Variants in INTS9 observed in about 807,000 individuals in gnomAD.
INTS9 encodes the protein integrator complex subunit 9, also known as protein related to CPSF subunits of 74 kDa.
In INTS9, 55 loss-of-function variants were observed where a neutral mutation model predicts 79.7. The ratio of observed to expected loss-of-function variants is 0.69; its 90% CI spans 0.56 to 0.86. The LOEUF (loss-of-function observed/expected upper bound fraction) is 0.86, where lower values mean the gene tolerates loss of function less well. INTS9 is among the 40% of genes least tolerant of loss of function. The pLI is 0.00. For synonymous variants in INTS9, 319 were observed against 325.2 expected (o/e 0.98, Z 0.20); for missense variants, 721 against 831.5 (o/e 0.87, Z 1.64).
At chr8:28,771,788 G>T (rs1366303913) in intron 14 of INTS9, among the ~76,000 whole-genome samples, 2 of 152,246 alleles carry the variant, frequency 1.3e-5, no homozygotes, top group Admixed American at 1.3e-4. Context: ...GCACAAGGCT[G>T]GGGTGGGAGC....
intron 2 of INTS9, among the ~76,000 whole-genome samples, chr8:28,858,413 T>C (rs540910342): frequency 1.3e-5 from 2 of 152,216 alleles, no homozygotes; most frequent in East Asian, 3.9e-4. Flanking sequence ...AAAAAGACAA[T>C]AATATCAGGC....
chr8:28,812,905 T>A (rs1211987121), intron 7 of INTS9, among the ~76,000 whole-genome samples: 1 of 152,180 alleles, frequency 6.6e-6, no homozygotes, highest in African/African-American at 2.4e-5. Context: ...AGAAAGATGA[T>A]GGAGATCAAC....
intron 6 of INTS9, among the ~76,000 whole-genome samples, chr8:28,814,831 G>A (rs867215465): frequency 1.3e-5 from 2 of 152,058 alleles, no homozygotes; most frequent in Admixed American, 6.5e-5. Context: ...TGAAGAATCC[G>A]ATCAGCCTCA....
At chr8:28,809,570 C>T (rs1804992647) in intron 8 of INTS9, among the ~76,000 whole-genome samples, 1 of 151,990 alleles carries the variant, frequency 6.6e-6, no homozygotes, top group Non-Finnish European at 1.5e-5. Flanking sequence ...CATTATTTTC[C>T]CTTTAAATTT....
intron 11 of INTS9, among the ~76,000 whole-genome samples, chr8:28,785,650 A>G (rs942000365): frequency 6.6e-6 from 1 of 152,196 alleles, no homozygotes; most frequent in Admixed American, 6.5e-5. Flanking sequence ...TTAGTGGAGA[A>G]TGGTATCTAG....
intron 1 of INTS9, among the ~76,000 whole-genome samples, chr8:28,875,662 CT>C (rs1585520745): frequency 6.6e-6 from 1 of 152,166 alleles, no homozygotes; most frequent in Non-Finnish European, 1.5e-5. Flanking sequence ...CTACCCACCC[CT>C]GATAAGATTA....
rs2131189582 is a variant in INTS9 at position 28,837,816 on chromosome 8, G to A, written c.262-40C>T. The A allele has an allele frequency of 3.2e-6, 5 of 1,570,236 alleles. No individual in the cohort carries two copies. In the East Asian group the frequency reaches 1.1e-4, roughly 36 times the overall value. ...AGGGAATGATATATATCTGTTCAGG[G>A]ATCGATCAATATGATGTGACTAAAA... On this transcript the variant is annotated intron_variant, in intron 4 of 16. Transcript: ENST00000521022.
At chr8:28,819,257 T>C (rs1187521010) in intron 6 of INTS9, among the ~76,000 whole-genome samples, 4 of 152,238 alleles carry the variant, frequency 2.6e-5, no homozygotes, top group Admixed American at 2.6e-4. Flanking sequence ...GGTGTCAATT[T>C]TGGATCCTTC....
At chr8:28,878,258 CTG>C (rs995269927) in intron 1 of INTS9, among the ~76,000 whole-genome samples, 10 of 152,018 alleles carry the variant, frequency 6.6e-5, no homozygotes, top group African/African-American at 2.4e-4. Context: ...AAACTGATAA[CTG>C]AGATTCCTTC....
intron 6 of INTS9, among the ~76,000 whole-genome samples, chr8:28,814,926 G>T (rs1805381234): frequency 6.6e-6 from 1 of 152,172 alleles, no homozygotes. Context: ...GTAAAGTGTG[G>T]AAGTGAACAA....
intron 1 of INTS9, among the ~76,000 whole-genome samples, chr8:28,871,221 T>A (rs1809075453): frequency 6.6e-6 from 1 of 152,176 alleles, no homozygotes; most frequent in African/African-American, 2.4e-5. Context: ...GCTTCTTCAC[T>A]AATGTATGCT....
chr8:28,871,884 T>A (rs1048364574), intron 1 of INTS9, among the ~76,000 whole-genome samples: 2 of 152,020 alleles, frequency 1.3e-5, no homozygotes, highest in Admixed American at 1.3e-4. Context: ...CCTTAATATA[T>A]AAAGAGCTCT....
intron 1 of INTS9, among the ~76,000 whole-genome samples, chr8:28,876,732 G>C (rs1056458324): frequency 1.3e-5 from 2 of 152,022 alleles, no homozygotes; most frequent in Non-Finnish European, 1.5e-5. Context: ...AAACCCATGA[G>C]AATCAACTGG....
intron 4 of INTS9, among the ~76,000 whole-genome samples, chr8:28,841,804 A>C (rs925619019): frequency 1.3e-5 from 2 of 152,230 alleles, no homozygotes; most frequent in African/African-American, 4.8e-5. Flanking sequence ...AATGATAAGG[A>C]GCCAGATGTG....
At chr8:28,790,793 G>A (rs1297185581) in intron 10 of INTS9, among the ~76,000 whole-genome samples, 1 of 152,154 alleles carries the variant, frequency 6.6e-6, no homozygotes, top group Non-Finnish European at 1.5e-5. Flanking sequence ...GGCAATCCCA[G>A]CCACTCAACT....
chr8:28,870,470 G>T (rs1490616288), intron 1 of INTS9, among the ~76,000 whole-genome samples: 1 of 149,838 alleles, frequency 6.7e-6, no homozygotes, highest in African/African-American at 2.5e-5. Flanking sequence ...ATGGCAACTT[G>T]CAAGAAAGAA....
intron 12 of INTS9, among the ~76,000 whole-genome samples, chr8:28,778,775 T>A (rs2130883416): frequency 6.6e-6 from 1 of 152,366 alleles, no homozygotes; most frequent in Admixed American, 6.5e-5. Flanking sequence ...GGACCCTGGC[T>A]TAGGCACACC....
Position 28,859,475 on chromosome 8 carries a change from G to A in INTS9, c.98C>T (p.Thr33Ile). ...CAAAGGAAGGAAATTGAGGGTAGAA[G>A]TCATGTCCAGTCCGCAGTCCAACAT... ...TIMLDCGLDM[T>I]STLNFLPLPL... The change falls in exon 2 of 17, where the codon ACT becomes ATT. Residue 33 changes from threonine to isoleucine, a missense_variant. Physicochemically the swap from Thr to Ile is moderately conservative, Grantham distance 89. Around this residue, in one of 3 missense-constraint regions of INTS9, gnomAD observed 291 missense variants for 307.0 expected, o/e 0.95. Coordinates refer to ENST00000521022, the MANE Select transcript of INTS9 (RefSeq NM_018250.4). 2.5e-6 allele frequency: 4 copies of A among 1,614,182 alleles called. No individual in the cohort carries two copies. The South Asian group carries it at 3.3e-5, about 13-fold the overall frequency.
chr8:28,809,658 C>G (rs564072759), intron 8 of INTS9, among the ~76,000 whole-genome samples: 1 of 152,050 alleles, frequency 6.6e-6, no homozygotes, highest in African/African-American at 2.4e-5. Context: ...GGACAAATCG[C>G]GAGAGTTGGC....
Sources: allele counts gnomAD v4.1 joint callset (sites outside exome capture counted in the v4.1 genomes callset), GRCh38; gene constraint gnomAD v4.1.1; regional missense constraint gnomAD v4.1.1; transcripts MANE v1.5; gene names NCBI Gene and HGNC (gene_info 2026-07-23, HGNC 2026-07-21).